Variants in PRX observed in about 807,000 individuals in gnomAD.
The protein encoded by PRX is periaxin.
Under a neutral mutation model 29.6 loss-of-function variants are expected in PRX, and 24 were observed. The ratio of observed to expected loss-of-function variants is 0.81; its 90% confidence interval spans 0.59 to 1.14. PRX has a LOEUF of 1.14. Ranked by LOEUF, PRX falls within the 50% of genes most tolerant of loss-of-function variation. PRX has a pLI of 0.00. For missense variants in PRX, 1,838 were observed against 1,926.4 expected (o/e 0.95, Z 0.86); for synonymous variants, 772 against 831.7 (o/e 0.93, Z 1.24).
At position 40,394,296 on chromosome 19, in the gene PRX, G is replaced by A. The variant is rs755440905; in HGVS notation, c.4056C>T (p.Pro1352=). 14 of 1,611,132 alleles carry A rather than the reference G, an allele frequency of 8.7e-6. No individual in the cohort carries two copies. Among genetic ancestry groups the A allele is most frequent in the South Asian group, 2.2e-5 (2 of 90,836 alleles). The change falls in exon 7 of 7, where the codon CCC becomes CCT. Residue 1352 remains proline (P), a synonymous_variant. Transcript: ENST00000324001. This position sits in a 1 kb window ranked among gnomAD's most constrained non-coding sequence, Gnocchi z 5.8. ...EMVTGEGSPS[P]EEEEEEEEEG... Reference sequence around the variant, plus strand: ...CTTCCTCCTCCTCCTCCTCCTCCTCGGGGCTGGGGGACCCTTCCCCAGTGA... The same window carrying A: ...CTTCCTCCTCCTCCTCCTCCTCCTCAGGGCTGGGGGACCCTTCCCCAGTGA...
At chr19:40,404,115 T>C (rs2079515879) in intron 4 of PRX, among the ~76,000 whole-genome samples, 1 of 152,162 alleles carries the variant, frequency 6.6e-6, no homozygotes, top group South Asian at 2.1e-4. Flanking sequence ...AAAGCGGCTG[T>C]TCAGCGGGCC....
chr19:40,413,726 T>C (rs1334247793), upstream of PRX, among the ~76,000 whole-genome samples: 1 of 152,122 alleles, frequency 6.6e-6, no homozygotes, highest in Non-Finnish European at 1.5e-5. Flanking sequence ...TTTCACTCCC[T>C]CTCCCTGTCA....
At position 40,397,523 on chromosome 19, in the gene PRX, C is replaced by T. The variant is rs1458620221; in HGVS notation, c.829G>A (p.Ala277Thr). The change falls in exon 7 of 7, where the codon GCC (alanine) becomes ACC (threonine). Residue 277 changes from alanine (A) to threonine (T), a missense_variant. Coordinates refer to ENST00000324001, the MANE Select transcript of PRX (RefSeq NM_181882.3). ...ALHLPTLGLG[A>T]PAPPAVEAPA... ...GCCTCCACAGCAGGCGGAGCCGGGG[C>T]TCCGAGCCCAAGGGTTGGCAGGTGG... is the stretch of plus-strand genomic sequence containing the variant. 1.9e-6 allele frequency: 3 copies of T among 1,545,608 alleles called. No homozygotes were observed. The highest frequency in any genetic ancestry group is 2.6e-6 in the Non-Finnish European group (3 of 1,147,346).
chr19:40,411,738 A>G (rs2079559717), intron 1 of PRX, among the ~76,000 whole-genome samples: 1 of 152,076 alleles, frequency 6.6e-6, no homozygotes, highest in African/African-American at 2.4e-5. Flanking sequence ...AGCTCTGCCT[A>G]TCCCACTAGG....
At chr19:40,413,086 C>G (rs2079566198) in intron 1 of PRX, among the ~76,000 whole-genome samples, 1 of 152,116 alleles carries the variant, frequency 6.6e-6, no homozygotes, top group Admixed American at 6.5e-5. Flanking sequence ...GAGGTGGCCT[C>G]CAGACATCAG....
In PRX at chr19:40,398,762, G is replaced by GCGTCCT; in HGVS notation, c.233_238dup (p.Glu78_Asp79dup). On this transcript the variant is annotated inframe_insertion, in exon 6 of 7. Transcript: ENST00000324001. This position sits in a 1 kb window ranked among gnomAD's most constrained non-coding sequence, Gnocchi z 6.3. ...CTCGGCGCATTGCAGCAGGCGTAGT[G>GCGTCCT]CGTCCTCGTACTTGAAGTTCTCGAA... 1.9e-6 allele frequency: 3 copies of GCGTCCT among 1,614,088 alleles called. No homozygotes were observed. Among genetic ancestry groups the GCGTCCT allele is most frequent in the Non-Finnish European group, 2.5e-6 (3 of 1,179,974 alleles).
At position 40,394,904 on chromosome 19, in the gene PRX, T is replaced by G. The variant is rs755762826; in HGVS notation, c.3448A>C (p.Ile1150Leu). The G allele has an allele frequency of 6.2e-6, 10 of 1,610,760 alleles. No individual in the cohort carries two copies. Among genetic ancestry groups the G allele is most frequent in the Non-Finnish European group, 7.6e-6 (9 of 1,179,944 alleles). ...DAGLRMPPLG[I>L]SLPQVELTGF... is the part of the protein sequence containing the mutation. ...GTCAGCTCCACCTGTGGCAGGGAGATGCCCAGCGGAGGCATCCTCAGCCCC... is the reference window on the plus strand; with the variant it reads ...GTCAGCTCCACCTGTGGCAGGGAGAGGCCCAGCGGAGGCATCCTCAGCCCC... Residue 1150 changes from isoleucine (I) to leucine (L), a missense_variant, in exon 7 of 7, where the codon ATC becomes CTC. By Grantham distance (5) the Ile-to-Leu change is conservative (BLOSUM62 2). Coordinates refer to ENST00000324001, the MANE Select transcript of PRX (RefSeq NM_181882.3). The surrounding 1 kb of genome is among the most constrained non-coding windows in gnomAD (Gnocchi z 5.8).
Position 40,398,398 on chromosome 19 carries a change from A to G in PRX, c.381+222T>C. 1 of 1,458,754 alleles carries G rather than the reference A, an allele frequency of 6.9e-7. No individual in the cohort carries two copies. The highest frequency in any genetic ancestry group is 9.0e-7 in the Non-Finnish European group (1 of 1,112,854). The allele number at this position is 1,458,754 out of a possible 1,614,324, so 90.4% of individuals were successfully genotyped here. A position where few individuals can be genotyped will look rare whatever the true frequency, so the allele number is the denominator to read the frequency against. ...AGCAAGCCTGGATCCGATGGTGGGG[A>G]CGCCTCTCCGAGGTGGGTGAGGGCC... On this transcript the variant is annotated intron_variant, in intron 6 of 6. Transcript: ENST00000324001. The surrounding 1 kb of genome is among the most constrained non-coding windows in gnomAD (Gnocchi z 6.3).
chr19:40,403,657 A>G, intron 5 of PRX, 49 bp downstream of exon 5: 1 of 1,513,500 alleles, frequency 6.6e-7, no homozygotes, highest in Non-Finnish European at 8.8e-7. Flanking sequence ...GCAGATTCCT[A>G]ACCCCGCCCC....
At chr19:40,409,648 T>A (rs2079550021) in intron 1 of PRX, among the ~76,000 whole-genome samples, 1 of 151,758 alleles carries the variant, frequency 6.6e-6, no homozygotes, top group Non-Finnish European at 1.5e-5. Flanking sequence ...ACTTTTTGTA[T>A]TTTTAGTAGA....
intron 4 of PRX, among the ~76,000 whole-genome samples, chr19:40,405,577 G>A (rs1201549347): frequency 2.0e-5 from 3 of 149,294 alleles, no homozygotes; most frequent in South Asian, 2.1e-4. Flanking sequence ...CACCAGTACC[G>A]CCCTTTGGCT....
rs1401239340 is a variant in PRX, at chr19:40,397,931, C to T, written c.421G>A (p.Val141Met). The change falls in exon 7 of 7, where the codon GTG becomes ATG. Residue 141 changes from valine to methionine, a missense_variant. Around this residue, in one of 3 missense-constraint regions of PRX, gnomAD observed 666 missense variants for 665.0 expected, o/e 1.00. Coordinates refer to ENST00000324001, the MANE Select transcript of PRX (RefSeq NM_181882.3). ...GCGGGGACCCCCAGAGCCCCAGGCA[C>T]CATCTTCTTCTTCTTCACAGGGGAC... is the stretch of plus-strand genomic sequence containing the variant. The part of the protein sequence containing the change: ...SLSPVKKKKM[V>M]PGALGVPADL... 6.2e-7 allele frequency: 1 copy of T among 1,612,638 alleles called. No individual in the cohort carries two copies. Among genetic ancestry groups the T allele is most frequent in the Non-Finnish European group, 8.5e-7 (1 of 1,179,526 alleles).
intron 4 of PRX, among the ~76,000 whole-genome samples, chr19:40,405,376 G>C (rs770674213): frequency 1.3e-4 from 20 of 152,130 alleles, no homozygotes; most frequent in Non-Finnish European, 2.8e-4. Context: ...GGAGGTTGCA[G>C]TAGGGATCTG....
At chr19:40,411,042 A>G (rs1406357918) in intron 1 of PRX, among the ~76,000 whole-genome samples, 1 of 152,202 alleles carries the variant, frequency 6.6e-6, no homozygotes, top group Non-Finnish European at 1.5e-5. Context: ...TAGCACCCAC[A>G]GGCCTCAAAA....
At position 40,398,406 on chromosome 19, in the gene PRX, C is replaced by A; in HGVS notation, c.381+214G>T. On this transcript the variant is annotated intron_variant, in intron 6 of 6. Coordinates refer to ENST00000324001, the MANE Select transcript of PRX (RefSeq NM_181882.3). The surrounding 1 kb of genome is among the most constrained non-coding windows in gnomAD (Gnocchi z 6.3). ...TGGATCCGATGGTGGGGACGCCTCT[C>A]CGAGGTGGGTGAGGGCCCTGGGCTG... 6.8e-7 allele frequency: 1 copy of A among 1,469,872 alleles called. No individual in the cohort carries two copies. Among genetic ancestry groups the A allele is most frequent in the Non-Finnish European group, 8.9e-7 (1 of 1,118,366 alleles). The allele number at this position is 1,469,872 out of a possible 1,614,324, so 91.1% of individuals were successfully genotyped here.
intron 1 of PRX, among the ~76,000 whole-genome samples, chr19:40,409,478 T>TTATTATTATTAA (rs1568717949): frequency 6.7e-6 from 1 of 148,600 alleles, no homozygotes; most frequent in Non-Finnish European, 1.5e-5. Flanking sequence ...ATTATTATTA[T>TTATTATTATTAA]TATTATTATT....
At chr19:40,403,552 CA>C (rs1267622477) in intron 5 of PRX, among the ~76,000 whole-genome samples, 153 bp downstream of exon 5, 1 of 151,992 alleles carries the variant, frequency 6.6e-6, no homozygotes, top group African/African-American at 2.4e-5. Flanking sequence ...TTGCTGTGAA[CA>C]GTCAGCAAAG....
Position 40,398,899 on chromosome 19 carries a change from T to G in PRX, c.185-83A>C, listed in dbSNP as rs1422233545. ...AGTTCTGCCCACTTGCACGGAGCCCTCGCGGTGAGGACCCGCCCCAAATTT... is the reference window on the plus strand; with the variant it reads ...AGTTCTGCCCACTTGCACGGAGCCCGCGCGGTGAGGACCCGCCCCAAATTT... On this transcript the variant is annotated intron_variant, in intron 5 of 6. Coordinates refer to ENST00000324001, the MANE Select transcript of PRX (RefSeq NM_181882.3). The surrounding 1 kb of genome is among the most constrained non-coding windows in gnomAD (Gnocchi z 6.3). 6.3e-7 allele frequency: 1 copy of G among 1,595,102 alleles called. No individual in the cohort carries two copies. Among genetic ancestry groups the G allele is most frequent in the East Asian group, 2.3e-5 (1 of 43,898 alleles).
Position 40,394,974 on chromosome 19 carries a change from C to T in PRX, c.3378G>A (p.Leu1126=), listed in dbSNP as rs1468521706. The change falls in exon 7 of 7, where the codon CTG becomes CTA. Residue 1126 remains leucine, a synonymous_variant. Coordinates refer to ENST00000324001, the MANE Select transcript of PRX (RefSeq NM_181882.3). The surrounding 1 kb of genome is among the most constrained non-coding windows in gnomAD (Gnocchi z 5.8). ...VAVSGMQLSG[L]KVSTAGQVVT... is the part of the protein sequence containing the mutation. ...CCACCTGCCCGGCTGTGGACACCTT[C>T]AGGCCTGACAGCTGCATTCCACTGA... 1.2e-6 allele frequency: 2 copies of T among 1,608,568 alleles called. No homozygotes were observed. Among genetic ancestry groups the T allele is most frequent in the East Asian group, 4.5e-5 (2 of 44,844 alleles).
Sources: gnomAD v4.1 joint callset for allele counts (sites outside exome capture counted in the v4.1 genomes callset) on GRCh38, gnomAD v4.1.1 for gene constraint, gnomAD v4.1.1 regional missense constraint, Gnocchi (gnomAD v3.1) non-coding constraint, MANE v1.5 for transcripts, NCBI Gene and HGNC (gene_info 2026-07-23, HGNC 2026-07-21) for gene names.